FIG4: variants seen among roughly 807,000 people sequenced by gnomAD.
FIG4 encodes the protein polyphosphoinositide phosphatase.
In FIG4, 112 loss-of-function variants were observed where a neutral mutation model predicts 118.6. The ratio of observed to expected loss-of-function variants is 0.94; its 90% CI spans 0.81 to 1.11. The LOEUF is 1.11. Ranked by LOEUF, FIG4 falls within the 50% of genes least tolerant of loss-of-function variation. The pLI is 0.00. For missense variants in FIG4, 969 were observed against 1,111.7 expected (o/e 0.87, Z 1.83); for synonymous variants, 369 against 381.2 (o/e 0.97, Z 0.37).
chr6:109,762,070 C>T, intron 11 of FIG4, 21 bp from the exon 12 acceptor site: 2 of 1,452,530 alleles, frequency 1.4e-6, no homozygotes, highest in African/African-American at 1.4e-5. Flanking sequence ...TCACTTTTCT[C>T]ATTCTTCCTT....
At chr6:109,823,816 T>C (rs548601085) in intron 22 of FIG4, among the ~76,000 whole-genome samples, 1 of 152,192 alleles carries the variant, frequency 6.6e-6, no homozygotes, top group Non-Finnish European at 1.5e-5. Flanking sequence ...AGATTTTCTT[T>C]CCCTGTGTTA....
chr6:109,823,014 C>T (rs1381285855), intron 22 of FIG4, among the ~76,000 whole-genome samples: 4 of 151,708 alleles, frequency 2.6e-5, no homozygotes. Flanking sequence ...TAGAGTTTAG[C>T]AGCCTTAGAC....
Position 109,762,086 on chromosome 6 carries a change from CT to C in FIG4, c.1272-4del. The C allele has an allele frequency of 6.4e-7, 1 of 1,572,402 alleles. No individual in the cohort carries two copies. Among genetic ancestry groups the C allele is most frequent in the Non-Finnish European group, 8.8e-7 (1 of 1,142,090 alleles). The stretch of plus-strand genomic sequence containing the variant: ...CACTTTTCTCATTCTTCCTTCTCTC[CT>C]CAGCAAGCTGTGTAATGTTCTTGAT... On this transcript the variant is annotated splice_polypyrimidine_tract_variant and splice_region_variant and intron_variant, in intron 11 of 22. Transcript: ENST00000230124.
chr6:109,791,625 T>G (rs992015044), intron 20 of FIG4, 54 bp downstream of exon 20: 23 of 1,520,484 alleles, frequency 1.5e-5, no homozygotes, highest in African/African-American at 1.4e-5. Context: ...AAAATGATCT[T>G]TACAACTCCG....
chr6:109,716,407 T>A, intron 2 of FIG4, 38 bp from the exon 3 acceptor site: 1 of 1,610,112 alleles, frequency 6.2e-7, no homozygotes, highest in Non-Finnish European at 8.5e-7. Flanking sequence ...ATCTAAAGTT[T>A]AAGCACAACC....
chr6:109,705,296 C>T (rs1408404379), intron 1 of FIG4, among the ~76,000 whole-genome samples: 1 of 152,098 alleles, frequency 6.6e-6, no homozygotes, highest in East Asian at 1.9e-4. Context: ...TGGAAGTTAC[C>T]TCTTAAAAAA....
chr6:109,733,300 T>C (rs960727853), intron 5 of FIG4, among the ~76,000 whole-genome samples: 4 of 152,102 alleles, frequency 2.6e-5, no homozygotes, highest in African/African-American at 9.7e-5. Flanking sequence ...ATATTGATAA[T>C]TGAAGAACAG....
chr6:109,702,567 G>A (rs534252518), intron 1 of FIG4, among the ~76,000 whole-genome samples: 4 of 152,180 alleles, frequency 2.6e-5, no homozygotes, highest in East Asian at 1.9e-4. Context: ...GTGTTGATTC[G>A]TAGGCACCTA....
At chr6:109,799,427 C>T (rs10499056) in intron 22 of FIG4, among the ~76,000 whole-genome samples, 7,973 of 152,220 alleles carry the variant, frequency 0.052, 384 homozygotes, top group East Asian at 0.17. Context: ...TAGTCAGGTT[C>T]TTAAAATGTC....
chr6:109,718,156 G>A (rs1359053532), intron 3 of FIG4, among the ~76,000 whole-genome samples: 1 of 152,030 alleles, frequency 6.6e-6, no homozygotes, highest in East Asian at 1.9e-4. Context: ...GAATGGTGGG[G>A]GAGGTGCCAC....
intron 1 of FIG4, among the ~76,000 whole-genome samples, chr6:109,705,520 C>G (rs1455770408): frequency 1.3e-5 from 2 of 152,192 alleles, no homozygotes; most frequent in Non-Finnish European, 2.9e-5. Context: ...CCATTTCTTT[C>G]CCTCCACTCT....
At chr6:109,692,929 T>G (rs1774567110) in intron 1 of FIG4, among the ~76,000 whole-genome samples, 1 of 152,180 alleles carries the variant, frequency 6.6e-6, no homozygotes, top group South Asian at 2.1e-4. Context: ...CTAAAACTCC[T>G]GGCTTCAGCC....
intron 10 of FIG4, among the ~76,000 whole-genome samples, chr6:109,747,392 A>G (rs1269305400): frequency 6.6e-6 from 1 of 152,112 alleles, no homozygotes; most frequent in Non-Finnish European, 1.5e-5. Context: ...GAGGAGTAGG[A>G]AGAAAACCAG....
chr6:109,778,804 T>A (rs1263500582), intron 16 of FIG4, among the ~76,000 whole-genome samples: 1 of 152,218 alleles, frequency 6.6e-6, no homozygotes, highest in Non-Finnish European at 1.5e-5. Flanking sequence ...TTTCACTGTG[T>A]TAGCTAGGGT....
At chr6:109,746,817 GC>G (rs1776514959) in intron 10 of FIG4, among the ~76,000 whole-genome samples, 1 of 152,120 alleles carries the variant, frequency 6.6e-6, no homozygotes, top group African/African-American at 2.4e-5. Context: ...CAGATAGGAG[GC>G]TGTTATAATT....
intron 16 of FIG4, among the ~76,000 whole-genome samples, chr6:109,778,894 C>T (rs749789156): frequency 3.9e-5 from 6 of 152,120 alleles, no homozygotes; most frequent in Admixed American, 6.5e-5. Context: ...CCACCGCGCC[C>T]GGCTTCTTGC....
chr6:109,777,114 A>G, intron 16 of FIG4, 54 bp downstream of exon 16: 3 of 1,473,938 alleles, frequency 2.0e-6, no homozygotes, highest in South Asian at 1.2e-5. Context: ...TATTTTGAAT[A>G]TGAGATACTT....
At chr6:109,731,033 T>A (rs1644318462) in intron 4 of FIG4, among the ~76,000 whole-genome samples, 1 of 152,016 alleles carries the variant, frequency 6.6e-6, no homozygotes, top group Admixed American at 6.6e-5. Context: ...GAGAAAAAAA[T>A]ACAACATAAC....
intron 1 of FIG4, among the ~76,000 whole-genome samples, chr6:109,707,093 C>A (rs901782825): frequency 1.3e-5 from 2 of 152,026 alleles, no homozygotes; most frequent in African/African-American, 4.8e-5. Flanking sequence ...ATTATAATTG[C>A]TTTATTTCTA....
Sources: allele counts gnomAD v4.1 joint callset (sites outside exome capture counted in the v4.1 genomes callset), GRCh38; gene constraint gnomAD v4.1.1; transcripts MANE v1.5; gene names NCBI Gene and HGNC (gene_info 2026-07-23, HGNC 2026-07-21).